Variants in AASDH observed in about 807,000 individuals in gnomAD.
AASDH encodes aminoadipate-semialdehyde dehydrogenase, also known as beta-alanine-activating enzyme.
AASDH carries 81 observed loss-of-function variants against 102.3 expected under a neutral mutation model. The ratio of observed to expected loss-of-function variants is 0.79; its 90% confidence interval spans 0.66 to 0.95. AASDH has a LOEUF of 0.95. AASDH is among the 40% of genes least tolerant of loss of function. AASDH has a pLI of 0.00. For synonymous variants in AASDH, 398 were observed against 454.0 expected (o/e 0.88, Z 1.57); for missense variants, 1,203 against 1,266.2 (o/e 0.95, Z 0.76).
chr4:56,363,835 G>A (rs1412683029), intron 5 of AASDH, among the ~76,000 whole-genome samples: 4 of 152,172 alleles, frequency 2.6e-5, no homozygotes, highest in East Asian at 1.9e-4. Context: ...CCAAAGGAAC[G>A]CAGCTCCTCA....
intron 5 of AASDH, chr4:56,356,195 CAGG>C (rs1212351029): frequency 1.2e-5 from 9 of 739,376 alleles, no homozygotes; most frequent in Non-Finnish European, 2.0e-5. Context: ...TGTGAAGAAG[CAGG>C]AGGACAAGAA....
At chr4:56,357,342 C>G (rs185354905) in intron 5 of AASDH, among the ~76,000 whole-genome samples, 1 of 152,118 alleles carries the variant, frequency 6.6e-6, no homozygotes, top group South Asian at 2.1e-4. Flanking sequence ...AAAGCAACCT[C>G]AGGCTTCTTT....
chr4:56,381,364 A>C (rs1162163599), intron 3 of AASDH, among the ~76,000 whole-genome samples: 4 of 152,128 alleles, frequency 2.6e-5, no homozygotes, highest in African/African-American at 9.7e-5. Flanking sequence ...TGAGGTCAGA[A>C]GTTCAAGACC....
chr4:56,372,897 A>C (rs1289171331), intron 4 of AASDH, among the ~76,000 whole-genome samples: 1 of 152,248 alleles, frequency 6.6e-6, no homozygotes, highest in African/African-American at 2.4e-5. Flanking sequence ...TAGAGTGGAC[A>C]GCTGTGTAGA....
intron 5 of AASDH, among the ~76,000 whole-genome samples, chr4:56,362,052 A>T (rs531815147): frequency 1.3e-5 from 2 of 152,312 alleles, no homozygotes; most frequent in Admixed American, 6.5e-5. Context: ...AAATGTCCAA[A>T]TATATTTTAG....
intron 2 of AASDH, 145 bp from the exon 3 acceptor site, chr4:56,382,742 C>T: frequency 2.1e-6 from 2 of 932,988 alleles, no homozygotes; most frequent in Non-Finnish European, 1.6e-6. Context: ...TCAGAAATTT[C>T]CAATGTTTTC....
chr4:56,338,754 G>C lies in AASDH; in HGVS notation c.2945C>G (p.Ser982Cys). The C allele has an allele frequency of 6.2e-7, 1 of 1,614,098 alleles. No homozygotes were observed. Among genetic ancestry groups the C allele is most frequent in the South Asian group, 1.1e-5 (1 of 91,070 alleles). The change falls in exon 15 of 15, where the codon TCC (serine) becomes TGC (cysteine). Residue 982 changes from serine (S) to cysteine (C), a missense_variant. Physicochemically the swap from Ser to Cys is moderately radical, Grantham distance 112. Coordinates refer to ENST00000205214, the MANE Select transcript of AASDH (RefSeq NM_181806.4). ...TTGCTCTGATGGTGAGGTACACGGG[G>C]ATGAAAAGATTGGTCCACTGGTAGA... is the stretch of plus-strand genomic sequence containing the variant. ...QFSTSGPIFSSPCTSPSEQKI... is the reference protein window; with the variant it reads ...QFSTSGPIFSCPCTSPSEQKI...
At chr4:56,359,345 C>T (rs549433375) in intron 5 of AASDH, among the ~76,000 whole-genome samples, 17 of 131,368 alleles carry the variant, frequency 1.3e-4, no homozygotes, top group African/African-American at 2.6e-4. Context: ...TCCTGCCTCC[C>T]GCCTCCCGAG....
At chr4:56,343,733 T>C in intron 12 of AASDH, 49 bp from the exon 13 acceptor site, 1 of 1,556,530 alleles carries the variant, frequency 6.4e-7, no homozygotes, top group East Asian at 2.3e-5. Flanking sequence ...GGTTAACAAA[T>C]CCATATAACC....
intron 11 of AASDH, among the ~76,000 whole-genome samples, chr4:56,347,064 A>C (rs1166241675): frequency 2.6e-5 from 4 of 151,966 alleles, no homozygotes; most frequent in Non-Finnish European, 4.4e-5. Flanking sequence ...AAGATGCTCA[A>C]CATCACTGGT....
At chr4:56,341,676 C>T (rs145918741) in intron 14 of AASDH, among the ~76,000 whole-genome samples, 11,290 of 151,438 alleles carry the variant, frequency 0.075, 598 homozygotes, top group East Asian at 0.25. Context: ...GCTGGGATTA[C>T]AGGCGTGAGC....
intron 5 of AASDH, among the ~76,000 whole-genome samples, chr4:56,369,528 C>T (rs2109964282): frequency 6.6e-6 from 1 of 152,252 alleles, no homozygotes; most frequent in East Asian, 1.9e-4. Flanking sequence ...AACACATTGC[C>T]TTAAAGAAGT....
rs774680555 is a variant in AASDH, at chr4:56,384,085, G to A, written c.215C>T (p.Pro72Leu). 5.6e-6 allele frequency: 9 copies of A among 1,613,416 alleles called. No individual in the cohort carries two copies. The South Asian group carries it at 8.8e-5, about 16-fold the overall frequency. ...GLYCQPGIDL[P>L]SWILGILQVP... ...AAAATATTACCCTAAAATCCAAGAG[G>A]GTAAGTCTATCCCAGGTTGGCAGTA... is the stretch of plus-strand genomic sequence containing the variant. Residue 72 changes from proline to leucine, a missense_variant, in exon 2 of 15, where the codon CCC (proline) becomes CTC (leucine). Coordinates refer to ENST00000205214, the MANE Select transcript of AASDH (RefSeq NM_181806.4).
chr4:56,373,014 C>T (rs7693683), intron 4 of AASDH, among the ~76,000 whole-genome samples: 99,797 of 152,074 alleles, frequency 0.66, 32,869 homozygotes, highest in Admixed American at 0.73. Flanking sequence ...CTTCCTCCCA[C>T]GTATAGGGCA....
Position 56,378,301 on chromosome 4 carries a change from G to C in AASDH, c.515C>G (p.Ser172Cys), listed in dbSNP as rs1407810587. The change falls in exon 4 of 15, where the codon TCT becomes TGT. Residue 172 changes from serine to cysteine, a missense_variant. By Grantham distance (112) the Ser-to-Cys change is moderately radical (BLOSUM62 -1). Coordinates refer to ENST00000205214, the MANE Select transcript of AASDH (RefSeq NM_181806.4). ...TGCTTTTTCTTCATTGACATGCTCA[G>C]AACTTATGCTTTTTATTTTTTCTTT... Reference protein sequence around the residue: ...YEKEKIKSISSEHVNEEKAEE... With the variant: ...YEKEKIKSISCEHVNEEKAEE... 10 of 1,614,006 alleles carry C rather than the reference G, an allele frequency of 6.2e-6. No homozygotes were observed. The highest frequency in any genetic ancestry group is 6.8e-6 in the Non-Finnish European group (8 of 1,180,038).
intron 5 of AASDH, among the ~76,000 whole-genome samples, chr4:56,362,525 A>G (rs1750430229): frequency 6.6e-6 from 1 of 152,112 alleles, no homozygotes; most frequent in African/African-American, 2.4e-5. Context: ...TTGGCCTCTC[A>G]AAGTGCTGGG....
intron 5 of AASDH, among the ~76,000 whole-genome samples, chr4:56,366,284 C>A (rs1399176943): frequency 2.0e-5 from 3 of 152,146 alleles, no homozygotes; most frequent in African/African-American, 2.4e-5. Flanking sequence ...CGAATTCTAC[C>A]AGAGGTACAA....
At chr4:56,372,637 T>C (rs2109975431) in intron 4 of AASDH, among the ~76,000 whole-genome samples, 1 of 152,344 alleles carries the variant, frequency 6.6e-6, no homozygotes, top group East Asian at 1.9e-4. Context: ...TTAAAAATTA[T>C]AACTATGTAT....
intron 3 of AASDH, among the ~76,000 whole-genome samples, chr4:56,380,582 T>C (rs1752839388): frequency 6.6e-6 from 1 of 152,232 alleles, no homozygotes; most frequent in South Asian, 2.1e-4. Flanking sequence ...TACTAGGTTA[T>C]GTTTACTTCA....
Sources: gnomAD v4.1 joint callset for allele counts (sites outside exome capture counted in the v4.1 genomes callset) on GRCh38, gnomAD v4.1.1 for gene constraint, MANE v1.5 for transcripts, NCBI Gene and HGNC (gene_info 2026-07-23, HGNC 2026-07-21) for gene names.